ABLIM1: variants seen among roughly 807,000 people sequenced by gnomAD.
ABLIM1 encodes actin-binding LIM protein 1.
Under a neutral mutation model 107.0 loss-of-function variants are expected in ABLIM1, and 40 were observed. The observed-to-expected ratio is 0.37, with a 90% CI of 0.29 to 0.49. The LOEUF (loss-of-function observed/expected upper bound fraction) is 0.49. Ranked by LOEUF, ABLIM1 falls within the 20% of genes least tolerant of loss-of-function variation. ABLIM1 has a pLI of 0.97. For missense variants in ABLIM1, 857 were observed against 1,008.5 expected (o/e 0.85, Z 2.04); for synonymous variants, 357 against 357.3 (o/e 1.00, Z 0.01).
chr10:114,767,484 C>A, intron 1 of ABLIM1, among the ~76,000 whole-genome samples: 1 of 152,088 alleles, frequency 6.6e-6, no homozygotes, highest in East Asian at 1.9e-4. Flanking sequence ...TTTATTCTTG[C>A]CTGAAAAGCA....
At chr10:114,800,091 A>T in the ABLIM1 span, among the ~76,000 whole-genome samples, 1 of 152,158 alleles carries the variant, frequency 6.6e-6, no homozygotes, top group African/African-American at 2.4e-5. Context: ...TAATGTTTTT[A>T]ATGTAAAAAA....
chr10:114,444,363 T>C (rs1326263719), intron 16 of ABLIM1, among the ~76,000 whole-genome samples: 2 of 152,114 alleles, frequency 1.3e-5, no homozygotes, highest in African/African-American at 4.8e-5. Context: ...TAAGTCAGGC[T>C]CTGTGTTAGA....
chr10:114,555,186 T>C (rs2068569893), intron 4 of ABLIM1, among the ~76,000 whole-genome samples: 1 of 152,148 alleles, frequency 6.6e-6, no homozygotes, highest in Non-Finnish European at 1.5e-5. Context: ...ATAAGAAAAT[T>C]AACATCTTGT....
intron 1 of ABLIM1, among the ~76,000 whole-genome samples, chr10:114,735,394 T>C (rs1356048860): frequency 1.3e-5 from 2 of 152,226 alleles, no homozygotes; most frequent in Admixed American, 6.5e-5. Context: ...AATTTCTGTA[T>C]GTTAGAGGGA....
intron 1 of ABLIM1, among the ~76,000 whole-genome samples, chr10:114,680,045 C>G (rs2080677894): frequency 6.6e-6 from 1 of 152,118 alleles, no homozygotes; most frequent in African/African-American, 2.4e-5. Context: ...GCAAAACACA[C>G]AGACATAAAA....
At chr10:114,493,640 A>G (rs574976573) in intron 6 of ABLIM1, among the ~76,000 whole-genome samples, 2 of 152,354 alleles carry the variant, frequency 1.3e-5, no homozygotes, top group South Asian at 2.1e-4. Context: ...CCTATTCACT[A>G]GCAATAAAAA....
chr10:114,445,480 C>T, intron 15 of ABLIM1, 77 bp from the exon 16 acceptor site: 2 of 1,291,388 alleles, frequency 1.5e-6, no homozygotes, highest in Non-Finnish European at 2.3e-6. Context: ...CATCTGTGTT[C>T]AGTTTGTTAG....
At chr10:114,450,053 T>C in intron 14 of ABLIM1, 2 of 364,996 alleles carry the variant, frequency 5.5e-6, no homozygotes, top group Non-Finnish European at 1.1e-5. Context: ...AAAGATAGTA[T>C]TTTTTAAAGC....
At chr10:114,711,940 A>AGG (rs1294608352) in intron 1 of ABLIM1, among the ~76,000 whole-genome samples, 1 of 152,214 alleles carries the variant, frequency 6.6e-6, no homozygotes, top group African/African-American at 2.4e-5. Flanking sequence ...CATCGGGGTT[A>AGG]GTCTCTAGGA....
chr10:114,601,920 C>T lies in ABLIM1; in HGVS notation c.286G>A (p.Val96Ile). 6.2e-7 allele frequency: 1 copy of T among 1,614,162 alleles called. No individual in the cohort carries two copies. The highest frequency in any genetic ancestry group is 2.2e-5 in the East Asian group (1 of 44,870). Residue 96 changes from valine to isoleucine, a missense_variant, in exon 2 of 23, where the codon GTC becomes ATC. Physicochemically the swap from Val to Ile is conservative, Grantham distance 29. Transcript: ENST00000533213. ...TCCCCACATTTATGGCAGTGAATGACAGGCTTCTCTGATGGGTGGTGAGGG... is the reference window on the plus strand; with the variant it reads ...TCCCCACATTTATGGCAGTGAATGATAGGCTTCTCTGATGGGTGGTGAGGG... The part of the protein sequence containing the change: ...QDPHHPSEKP[V>I]IHCHKCGEPC...
At chr10:114,646,632 G>C (rs938006819) in intron 1 of ABLIM1, among the ~76,000 whole-genome samples, 1 of 152,192 alleles carries the variant, frequency 6.6e-6, no homozygotes, top group African/African-American at 2.4e-5. Flanking sequence ...AATGCTTGCC[G>C]CTCAGCAAGA....
At chr10:114,726,251 G>A (rs1041014656) in intron 1 of ABLIM1, among the ~76,000 whole-genome samples, 2 of 152,128 alleles carry the variant, frequency 1.3e-5, no homozygotes, top group East Asian at 3.9e-4. Context: ...AATTTTGCCA[G>A]TAGGCAAAAA....
At chr10:114,682,617 A>T (rs372233362) in intron 1 of ABLIM1, among the ~76,000 whole-genome samples, 48 of 152,268 alleles carry the variant, frequency 3.2e-4, no homozygotes, top group African/African-American at 1.1e-3. Context: ...TAATTTGCCA[A>T]CTTCCAATTT....
intron 1 of ABLIM1, among the ~76,000 whole-genome samples, chr10:114,646,542 A>T (rs964422188): frequency 6.6e-6 from 1 of 152,200 alleles, no homozygotes; most frequent in East Asian, 1.9e-4. Context: ...CAGCACAAGG[A>T]CCTAAATAAC....
chr10:114,750,235 A>G (rs1239678600), intron 1 of ABLIM1, among the ~76,000 whole-genome samples: 4 of 152,224 alleles, frequency 2.6e-5, no homozygotes, highest in Non-Finnish European at 5.9e-5. Flanking sequence ...ATCCACAAAT[A>G]TTGTTCCCTA....
intron 8 of ABLIM1, among the ~76,000 whole-genome samples, chr10:114,480,752 C>G (rs2057233741): frequency 6.6e-6 from 1 of 152,172 alleles, no homozygotes; most frequent in African/African-American, 2.4e-5. Context: ...CTCATTCAGT[C>G]TGTCATGATG....
upstream of ABLIM1, among the ~76,000 whole-genome samples, chr10:114,772,078 G>T (rs535804762): frequency 6.6e-6 from 1 of 151,960 alleles, no homozygotes; most frequent in East Asian, 1.9e-4. Flanking sequence ...AAGCTTAAAG[G>T]CACACTGAAC....
intron 1 of ABLIM1, among the ~76,000 whole-genome samples, chr10:114,602,188 C>G (rs2076065764): frequency 6.6e-6 from 1 of 152,168 alleles, no homozygotes. Context: ...CTCAATGGAG[C>G]CTGCTGTCTT....
chr10:114,456,196 G>A (rs530482384), intron 12 of ABLIM1, among the ~76,000 whole-genome samples: 7 of 152,268 alleles, frequency 4.6e-5, no homozygotes, highest in Admixed American at 3.9e-4. Context: ...CTGATGAGGG[G>A]AAAAACTAGT....
Sources: gnomAD v4.1 joint callset for allele counts (sites outside exome capture counted in the v4.1 genomes callset) on GRCh38, gnomAD v4.1.1 for gene constraint, MANE v1.5 for transcripts, NCBI Gene and HGNC (gene_info 2026-07-23, HGNC 2026-07-21) for gene names.